STK32B: variants seen among roughly 807,000 people sequenced by gnomAD.
STK32B encodes the protein serine/threonine-protein kinase 32B.
STK32B carries 43 observed loss-of-function variants against 52.6 expected under a neutral mutation model. The ratio of observed to expected loss-of-function variants is 0.82; its 90% CI spans 0.64 to 1.05. The LOEUF (loss-of-function observed/expected upper bound fraction) is 1.05. Ranked by LOEUF, STK32B falls within the 50% of genes least tolerant of loss-of-function variation. The probability of loss-of-function intolerance (pLI) is 0.00; values close to 1 mark genes in which losing one functional copy is unlikely to be tolerated. For synonymous variants in STK32B, 238 were observed against 204.3 expected (o/e 1.17, Z -1.41); for missense variants, 621 against 534.6 (o/e 1.16, Z -1.59).
In STK32B at chr4:5,352,835, C is replaced by G. The variant is rs1476728612; in HGVS notation, c.434+21442C>G. On this transcript the variant is annotated intron_variant, in intron 4 of 11. Transcript: ENST00000282908. ...ATATTGTTAAAATGACCATACTACCCAAAGCAATCTACAGATTCACAGCAA... is the reference window on the plus strand; with the variant it reads ...ATATTGTTAAAATGACCATACTACCGAAAGCAATCTACAGATTCACAGCAA... 2.0e-5 allele frequency among the ~76,000 whole-genome samples: 3 copies of G among 152,026 alleles called. No homozygotes were observed. In the East Asian group the frequency reaches 5.8e-4, roughly 29 times the overall value.
chr4:5,236,051 G>A (rs1327825923), intron 3 of STK32B, among the ~76,000 whole-genome samples: 5 of 152,172 alleles, frequency 3.3e-5, no homozygotes, highest in Non-Finnish European at 7.3e-5. Flanking sequence ...GTGTCTGCAG[G>A]GGCAGTGTCT....
At chr4:5,306,826 C>G (rs1254867371) in intron 3 of STK32B, among the ~76,000 whole-genome samples, 1 of 151,424 alleles carries the variant, frequency 6.6e-6, no homozygotes, top group African/African-American at 2.4e-5. Context: ...TCTTGTAATG[C>G]TGGCTTGGTA....
intron 6 of STK32B, among the ~76,000 whole-genome samples, chr4:5,443,977 T>C (rs1348457354): frequency 2.6e-5 from 4 of 152,218 alleles, no homozygotes; most frequent in Non-Finnish European, 4.4e-5. Context: ...TCCAGCTGCG[T>C]GCTGGGAGAA....
At chr4:5,075,018 T>C (rs999481571) in intron 1 of STK32B, among the ~76,000 whole-genome samples, 3 of 152,178 alleles carry the variant, frequency 2.0e-5, no homozygotes, top group Non-Finnish European at 4.4e-5. Flanking sequence ...CACCCATTGT[T>C]ACACTGGGCT....
At chr4:5,495,047 A>C (rs1027613128) in intron 11 of STK32B, among the ~76,000 whole-genome samples, 10 of 151,864 alleles carry the variant, frequency 6.6e-5, no homozygotes, top group Non-Finnish European at 1.5e-4. Context: ...TCTGACAATT[A>C]TGTGTCTTGG....
At chr4:5,265,286 G>T (rs1726988396) in intron 3 of STK32B, among the ~76,000 whole-genome samples, 1 of 152,218 alleles carries the variant, frequency 6.6e-6, no homozygotes. Flanking sequence ...TACAACTCCT[G>T]AGAGTAGCTG....
Position 5,447,502 on chromosome 4 carries a change from G to A in STK32B, c.666+726G>A, listed in dbSNP as rs552268656. On this transcript the variant is annotated intron_variant, in intron 7 of 11. Transcript: ENST00000282908. ...TTTAAAAAAAATAGCTGAGCGTGGT[G>A]GCACTCGCTTGTAGTCTCAGCTACT... Among the ~76,000 whole-genome samples the A allele has an allele frequency of 1.2e-4, 19 of 152,220 alleles. No individual in the cohort carries two copies. In the South Asian group the frequency reaches 3.9e-3, roughly 32 times the overall value.
chr4:5,474,996 G>A (rs994188971), intron 11 of STK32B, among the ~76,000 whole-genome samples: 2 of 152,168 alleles, frequency 1.3e-5, no homozygotes, highest in African/African-American at 4.8e-5. Context: ...GGGAGAATCA[G>A]CTCAGTGACC....
At chr4:5,466,079 C>T (rs1002719774) in intron 9 of STK32B, among the ~76,000 whole-genome samples, 1 of 152,182 alleles carries the variant, frequency 6.6e-6, no homozygotes, top group Admixed American at 6.5e-5. Flanking sequence ...GGGACCGGCA[C>T]CTGGGGCCAT....
chr4:5,481,180 C>A (rs1332420883), intron 11 of STK32B, among the ~76,000 whole-genome samples: 2 of 152,222 alleles, frequency 1.3e-5, no homozygotes, highest in African/African-American at 4.8e-5. Flanking sequence ...AATGGTTGAA[C>A]TAGTTTACAG....
At chr4:5,035,960 T>G in the STK32B span, among the ~76,000 whole-genome samples, 1 of 151,988 alleles carries the variant, frequency 6.6e-6, no homozygotes, top group Admixed American at 6.6e-5. Context: ...TTTTGTATTT[T>G]TAGTAGAAAC....
At chr4:5,171,900 G>T (rs904522614) in intron 3 of STK32B, among the ~76,000 whole-genome samples, 20 of 151,420 alleles carry the variant, frequency 1.3e-4, no homozygotes, top group Middle Eastern at 3.4e-3. Context: ...ACCTTGGGCA[G>T]TATGGCCATT....
rs146048854 is a variant in STK32B, at chr4:5,444,883, G to A, written c.563-1790G>A. On this transcript the variant is annotated intron_variant, in intron 6 of 11. Transcript: ENST00000282908. ...CACCAGTGGTCTTCCTGTTTCCCAG[G>A]GCACAATGTCAGTTCCTTTGTAAGG... Among the ~76,000 whole-genome samples, 15 of 152,220 alleles carry A rather than the reference G, an allele frequency of 9.9e-5. No individual in the cohort carries two copies. In the East Asian group the frequency reaches 2.9e-3, roughly 29 times the overall value.
intron 3 of STK32B, among the ~76,000 whole-genome samples, chr4:5,326,253 A>T (rs1197443739): frequency 6.6e-6 from 1 of 152,210 alleles, no homozygotes; most frequent in African/African-American, 2.4e-5. Context: ...GTGCATCTGT[A>T]GTCGGCATAT....
intron 1 of STK32B, among the ~76,000 whole-genome samples, chr4:5,066,821 A>T (rs1742442849): frequency 6.6e-6 from 1 of 152,100 alleles, no homozygotes; most frequent in African/African-American, 2.4e-5. Context: ...TTTCCATCTT[A>T]TCCCATTTGA....
At chr4:5,147,044 A>G (rs1406081639) in intron 2 of STK32B, among the ~76,000 whole-genome samples, 1 of 152,036 alleles carries the variant, frequency 6.6e-6, no homozygotes, top group East Asian at 1.9e-4. Context: ...GACATGGTAT[A>G]TCTCTTTATT....
chr4:5,040,214 G>T, the STK32B span, among the ~76,000 whole-genome samples: 1 of 152,140 alleles, frequency 6.6e-6, no homozygotes, highest in Non-Finnish European at 1.5e-5. Context: ...AACACTGGAG[G>T]TGTATGTTCT....
intron 4 of STK32B, among the ~76,000 whole-genome samples, chr4:5,375,531 C>T (rs368796721): frequency 2.1e-4 from 32 of 152,214 alleles, no homozygotes; most frequent in African/African-American, 6.3e-4. Flanking sequence ...TTCACATATA[C>T]TTGATTTCCA....
rs146017036 is a variant in STK32B at position 5,254,965 on chromosome 4, A to AATATATATATATATATATATATAT, written c.261-76243_261-76242insATATATATATATATATATATATAT. On this transcript the variant is annotated intron_variant, in intron 3 of 11. Coordinates refer to ENST00000282908, the MANE Select transcript of STK32B (RefSeq NM_018401.3). Reference sequence around the variant, plus strand: ...TTATTACTAGTTGGTATCATTCACTAATATATATATATGTTTATTGAGCAT... The same window carrying AATATATATATATATATATATATAT: ...TTATTACTAGTTGGTATCATTCACTAATATATATATATATATATATATATATATATATATATGTTTATTGAGCAT... 1.6e-3 allele frequency among the ~76,000 whole-genome samples: 230 copies of AATATATATATATATATATATATAT among 144,370 alleles called. 7 individuals are homozygous for AATATATATATATATATATATATAT. Among genetic ancestry groups the AATATATATATATATATATATATAT allele is most frequent in the African/African-American group, 5.8e-3 (216 of 37,012 alleles). The allele number at this position is 144,370 out of a possible 152,430, so 94.7% of individuals were successfully genotyped here.
Sources: gnomAD v4.1 joint callset for allele counts (sites outside exome capture counted in the v4.1 genomes callset) on GRCh38, gnomAD v4.1.1 for gene constraint, MANE v1.5 for transcripts, NCBI Gene and HGNC (gene_info 2026-07-23, HGNC 2026-07-21) for gene names.